SLC11A1: variants seen among roughly 807,000 people sequenced by gnomAD.
SLC11A1 encodes the protein natural resistance-associated macrophage protein 1.
In SLC11A1, 59 loss-of-function variants were observed where a neutral mutation model predicts 63.2. That is an observed-to-expected ratio of 0.93 (90% CI 0.76 to 1.16). The LOEUF is 1.16. Among genes scored for constraint, SLC11A1 ranks in the 50% most tolerant of loss-of-function variants. The pLI, the probability that SLC11A1 is intolerant of heterozygous loss-of-function variation, is 0.00. For missense variants in SLC11A1, 688 were observed against 730.7 expected (o/e 0.94, Z 0.67); for synonymous variants, 305 against 307.8 (o/e 0.99, Z 0.09).
intron 4 of SLC11A1, chr2:218,385,554 C>A: frequency 2.2e-6 from 1 of 445,178 alleles, no homozygotes; most frequent in Admixed American, 2.6e-5. Context: ...CCATCATCGG[C>A]TAATTTTTGT....
intron 8 of SLC11A1, among the ~76,000 whole-genome samples, chr2:218,388,598 C>T (rs1220511301): frequency 6.7e-6 from 1 of 148,618 alleles, no homozygotes; most frequent in Non-Finnish European, 1.5e-5. Context: ...GAGTTTGAGA[C>T]CTCAACAGCC....
At position 218,387,823 on chromosome 2, in the gene SLC11A1, G is replaced by T. The variant is rs768828654; in HGVS notation, c.663G>T (p.Gln221His). 3.1e-6 allele frequency: 5 copies of T among 1,606,044 alleles called. No individual in the cohort carries two copies. Among genetic ancestry groups the T allele is most frequent in the Non-Finnish European group, 4.3e-6 (5 of 1,176,422 alleles). ...AGTATGTGGTGGCGCGTCCTGAGCA[G>T]GGAGCGCTTCTTCGGGGCCTGTTCC... ...GYEYVVARPE[Q>H]GALLRGLFLP... The change falls in exon 8 of 15, where the codon CAG becomes CAT. Residue 221 changes from glutamine (Q) to histidine (H), a missense_variant. By Grantham distance (24) the Gln-to-His change is conservative. Transcript: ENST00000233202.
In SLC11A1 at chr2:218,387,641, C is replaced by G. The variant is rs1256417494; in HGVS notation, c.639+9C>G. ...TGACCTTTGGCTATGAGGTAGGAAGCCAGTGCTGCAACCCCACTGTGGACC... is the reference window on the plus strand; with the variant it reads ...TGACCTTTGGCTATGAGGTAGGAAGGCAGTGCTGCAACCCCACTGTGGACC... On this transcript the variant is annotated intron_variant, in intron 7 of 14. Coordinates refer to ENST00000233202, the MANE Select transcript of SLC11A1 (RefSeq NM_000578.4). The G allele has an allele frequency of 6.2e-7, 1 of 1,613,958 alleles. No homozygotes were observed. The highest frequency in any genetic ancestry group is 1.1e-5 in the South Asian group (1 of 91,080).
At chr2:218,394,589 C>T in intron 13 of SLC11A1, 43 bp from the exon 14 acceptor site, 1 of 1,600,358 alleles carries the variant, frequency 6.2e-7, no homozygotes, top group Admixed American at 1.7e-5. Context: ...GCAGGTGGGC[C>T]AGCAGCAACC....
In SLC11A1 at chr2:218,384,400, G is replaced by A. The variant is rs199693987; in HGVS notation, c.273+35G>A. On this transcript the variant is annotated intron_variant, in intron 3 of 14. Coordinates refer to ENST00000233202, the MANE Select transcript of SLC11A1 (RefSeq NM_000578.4). This position sits in a 1 kb window ranked among gnomAD's most constrained non-coding sequence, Gnocchi z 4.0. ...TCGGGACCTGAGTGGGGACACTTTC[G>A]AGAGGGAGGTGACCAGGCTAAGTGT... is the stretch of plus-strand genomic sequence containing the variant. The A allele has an allele frequency of 4.1e-4, 650 of 1,574,260 alleles. No individual in the cohort carries two copies. Among genetic ancestry groups the A allele is most frequent in the Middle Eastern group, 6.8e-4 (4 of 5,916 alleles).
chr2:218,392,902 T>C, intron 11 of SLC11A1, 79 bp from the exon 12 acceptor site: 1 of 1,196,408 alleles, frequency 8.4e-7, no homozygotes, highest in Non-Finnish European at 1.2e-6. Context: ...GATAAATCGG[T>C]TGAGGGACTA....
intron 14 of SLC11A1, 46 bp downstream of exon 14, chr2:218,394,831 C>G: frequency 6.2e-7 from 1 of 1,608,706 alleles, no homozygotes; most frequent in Non-Finnish European, 8.5e-7. Flanking sequence ...GAGGGAAGGA[C>G]AAGAGGCAAC....
chr2:218,394,601 GC>G, intron 13 of SLC11A1, 30 bp from the exon 14 acceptor site: 1 of 1,607,776 alleles, frequency 6.2e-7, no homozygotes, highest in Non-Finnish European at 8.5e-7. Context: ...GCAGCAACCA[GC>G]CAGTCCTGAG....
intron 1 of SLC11A1, 89 bp downstream of exon 1, chr2:218,382,464 G>A: frequency 6.8e-7 from 1 of 1,474,826 alleles, no homozygotes; most frequent in South Asian, 1.2e-5. Context: ...AAGCAAGAAA[G>A]CCCTTGGTCC....
rs935924401 is a variant in SLC11A1, at chr2:218,382,813, A to T, written c.8-147A>T. The T allele has an allele frequency of 3.4e-6, 3 of 876,170 alleles. No individual in the cohort carries two copies. The African/African-American group carries it at 5.0e-5, about 15-fold the overall frequency. The allele number at this position is 876,170 out of a possible 1,614,324, so 54.3% of individuals were successfully genotyped here. ...CCCACACATCTGGAATGTTTGTTTGAGAGGTGGAGGTGATGGACCCAAGAT... is the reference window on the plus strand; with the variant it reads ...CCCACACATCTGGAATGTTTGTTTGTGAGGTGGAGGTGATGGACCCAAGAT... On this transcript the variant is annotated intron_variant, in intron 1 of 14. Coordinates refer to ENST00000233202, the MANE Select transcript of SLC11A1 (RefSeq NM_000578.4).
intron 4 of SLC11A1, chr2:218,385,687 G>C: frequency 2.8e-6 from 1 of 355,646 alleles, no homozygotes; most frequent in Non-Finnish European, 5.5e-6. Context: ...CACTGCATCC[G>C]GCCCCAATTC....
intron 6 of SLC11A1, 115 bp from the exon 7 acceptor site, chr2:218,387,450 T>C (rs1696164107): frequency 3.7e-6 from 4 of 1,083,312 alleles, no homozygotes; most frequent in Non-Finnish European, 5.6e-6. Flanking sequence ...TGAGGTAACA[T>C]ATGTTAAGCA....
At chr2:218,389,414 G>A (rs1218474327) in intron 8 of SLC11A1, among the ~76,000 whole-genome samples, 1 of 152,028 alleles carries the variant, frequency 6.6e-6, no homozygotes, top group Non-Finnish European at 1.5e-5. Flanking sequence ...TTAGCGGGTT[G>A]TAGTGGTGTG....
At position 218,388,369 on chromosome 2, in the gene SLC11A1, C is replaced by CAA. The variant is rs34511982; in HGVS notation, c.795+429_795+430dup. 6.1e-3 allele frequency: 703 copies of CAA among 115,654 alleles called. 5 individuals carry two copies. Among genetic ancestry groups the CAA allele is most frequent in the Middle Eastern group, 0.024 (5 of 212 alleles). 7.2% of individuals were successfully genotyped at this position (115,654 alleles called of 1,614,324 possible). ...CTGGCGACAGAGCGAGACTCTGTCT[C>CAA]AAAAAAAAAAAAAAAAGAAAAGAAA... On this transcript the variant is annotated intron_variant, in intron 8 of 14. Transcript: ENST00000233202.
rs765343802 is a variant in SLC11A1, at chr2:218,384,269, G to A, written c.177G>A (p.Trp59Ter). Residue 59 changes from tryptophan to a stop codon, truncating the protein, a stop_gained, in exon 3 of 15, where the codon TGG becomes TGA. Transcript: ENST00000233202. LOFTEE classifies it high-confidence loss of function. This position sits in a 1 kb window ranked among gnomAD's most constrained non-coding sequence, Gnocchi z 4.0. ...GCACCTTCAGCCTGCGGAAGCTATG[G>A]GCCTTCACGGGGCCTGGCTTCCTCA... Reference protein sequence around the residue: ...KPGTFSLRKLWAFTGPGFLMS... With the variant: ...KPGTFSLRKL 4 of 1,606,022 alleles carry A rather than the reference G, an allele frequency of 2.5e-6. No individual in the cohort carries two copies. The East Asian group carries it at 9.0e-5, about 36-fold the overall frequency.
At chr2:218,387,990 C>T in intron 8 of SLC11A1, 35 bp downstream of exon 8, 1 of 1,552,846 alleles carries the variant, frequency 6.4e-7, no homozygotes, top group Non-Finnish European at 8.7e-7. Context: ...GACCCCCTCA[C>T]TCAGTCGGAG....
chr2:218,385,063 A>T, intron 3 of SLC11A1, 84 bp from the exon 4 acceptor site: 1 of 1,576,202 alleles, frequency 6.3e-7, no homozygotes, highest in Non-Finnish European at 8.6e-7. Context: ...CCCGAGGAGT[A>T]TGCTTGGTTA....
intron 12 of SLC11A1, among the ~76,000 whole-genome samples, chr2:218,393,432 C>T (rs1452154814): frequency 2.6e-5 from 4 of 151,768 alleles, no homozygotes; most frequent in African/African-American, 7.3e-5. Context: ...CTCAGGCTCC[C>T]GAGTAGCAGG....
Position 218,384,233 on chromosome 2 carries a change from C to T in SLC11A1, c.151-10C>T, listed in dbSNP as rs780782323. ...GACCCCCTCACTCTACTCCTCCCAC[C>T]CCCCAACAGGGCACCTTCAGCCTGC... On this transcript the variant is annotated splice_polypyrimidine_tract_variant and intron_variant, in intron 2 of 14. Transcript: ENST00000233202. The surrounding 1 kb of genome is among the most constrained non-coding windows in gnomAD (Gnocchi z 4.0). 6.3e-6 allele frequency: 10 copies of T among 1,587,514 alleles called. No individual in the cohort carries two copies. The highest frequency in any genetic ancestry group is 8.6e-6 in the Non-Finnish European group (10 of 1,161,502).
Sources: allele counts gnomAD v4.1 joint callset (sites outside exome capture counted in the v4.1 genomes callset), GRCh38; gene constraint gnomAD v4.1.1; non-coding constraint Gnocchi (gnomAD v3.1); transcripts MANE v1.5; gene names NCBI Gene and HGNC (gene_info 2026-07-23, HGNC 2026-07-21).